Variants in PCCB observed in about 807,000 individuals in gnomAD.
PCCB encodes propionyl-CoA carboxylase subunit beta, also known as propionyl-CoA carboxylase beta chain, mitochondrial.
Under a neutral mutation model 60.7 loss-of-function variants are expected in PCCB, and 43 were observed. The observed-to-expected ratio is 0.71, with a 90% CI of 0.55 to 0.91. PCCB has a LOEUF of 0.91. Ranked by LOEUF, PCCB falls within the 40% of genes least tolerant of loss-of-function variation. PCCB has a pLI of 0.00. For synonymous variants in PCCB, 276 were observed against 255.9 expected, an observed-to-expected ratio of 1.08 and a Z score of -0.75; for missense variants, 766 against 702.8, an observed-to-expected ratio of 1.09 and a Z score of -1.02.
intron 5 of PCCB, among the ~76,000 whole-genome samples, chr3:136,267,839 A>G (rs1056837529): frequency 4.0e-5 from 6 of 150,996 alleles, no homozygotes; most frequent in South Asian, 2.1e-4. Context: ...CAGTTTATCA[A>G]GTTTTCTTTT....
At chr3:136,280,242 C>A (rs143731586) in intron 5 of PCCB, among the ~76,000 whole-genome samples, 1 of 152,214 alleles carries the variant, frequency 6.6e-6, no homozygotes, top group Non-Finnish European at 1.5e-5. Flanking sequence ...CAAATGAATG[C>A]TCTCAGCTTT....
intron 1 of PCCB, 76 bp downstream of exon 1, chr3:136,250,634 C>T: frequency 5.6e-6 from 8 of 1,422,446 alleles, no homozygotes; most frequent in Non-Finnish European, 7.6e-6. Flanking sequence ...CTTGCGGCGT[C>T]CGAGGCCTCC....
rs550461197 is a variant in PCCB, at chr3:136,287,033, A to G, written c.654+3086A>G. Among the ~76,000 whole-genome samples the G allele has an allele frequency of 9.3e-4, 132 of 142,532 alleles. 1 individual carries two copies. The highest frequency in any genetic ancestry group is 4.9e-3 in the South Asian group (22 of 4,480). The allele number at this position is 142,532 out of a possible 152,430, so 93.5% of individuals were successfully genotyped here. ...GTGGCAGAGCAAGACTCTGTCTCGGAAAAAAAAAAAAAAATAATAAAAATA... is the reference window on the plus strand; with the variant it reads ...GTGGCAGAGCAAGACTCTGTCTCGGGAAAAAAAAAAAAAATAATAAAAATA... On this transcript the variant is annotated intron_variant, in intron 6 of 14. Transcript: ENST00000251654.
In PCCB at chr3:136,327,727, G is replaced by C. The variant is rs774232001; in HGVS notation, c.1393G>C (p.Ala465Pro). The C allele has an allele frequency of 1.9e-6, 3 of 1,612,466 alleles. No homozygotes were observed. The highest frequency in any genetic ancestry group is 2.5e-6 in the Non-Finnish European group (3 of 1,178,696). Residue 465 changes from alanine to proline, a missense_variant, in exon 13 of 15, where the codon GCA becomes CCA. By Grantham distance (27) the Ala-to-Pro change is conservative. Transcript: ENST00000251654. ...CACCGCAGAGATTGCAGTCATGGGA[G>C]CAAAGGTGAGGGCCTCTTGCTTTTC... Reference protein sequence around the residue: ...WPTAEIAVMGAKGAVEIIFKG... With the variant: ...WPTAEIAVMGPKGAVEIIFKG...
At chr3:136,290,276 A>G (rs1933614365) in intron 6 of PCCB, among the ~76,000 whole-genome samples, 2 of 152,154 alleles carry the variant, frequency 1.3e-5, no homozygotes, top group South Asian at 4.1e-4. Flanking sequence ...TCACTTTTGA[A>G]GAATAATTTT....
intron 5 of PCCB, among the ~76,000 whole-genome samples, chr3:136,282,148 A>G (rs1461220634): frequency 1.3e-5 from 2 of 152,194 alleles, no homozygotes; most frequent in Admixed American, 6.5e-5. Flanking sequence ...GGCACCAACT[A>G]GCTACACTAG....
intron 8 of PCCB, among the ~76,000 whole-genome samples, chr3:136,299,072 G>T (rs1048487613): frequency 1.3e-5 from 2 of 152,070 alleles, no homozygotes; most frequent in African/African-American, 4.8e-5. Flanking sequence ...ATACAGTTTG[G>T]AGTTCCTGAA....
intron 9 of PCCB, among the ~76,000 whole-genome samples, chr3:136,306,500 A>G (rs1305350959): frequency 1.6e-5 from 2 of 122,744 alleles, no homozygotes; most frequent in African/African-American, 5.0e-5. Flanking sequence ...TGAATGAAAT[A>G]ATATAAAAAA....
chr3:136,328,686 G>C, intron 13 of PCCB, 72 bp from the exon 14 acceptor site: 1 of 1,224,258 alleles, frequency 8.2e-7, no homozygotes, highest in South Asian at 1.2e-5. Flanking sequence ...CCCACACACA[G>C]TGATAATGAG....
chr3:136,328,139 G>T (rs1324134023), intron 13 of PCCB, among the ~76,000 whole-genome samples: 1 of 152,190 alleles, frequency 6.6e-6, no homozygotes, highest in Non-Finnish European at 1.5e-5. Flanking sequence ...CTCATAAGAA[G>T]CTAAACTGTA....
chr3:136,290,343 C>A (rs1371305808), intron 6 of PCCB, among the ~76,000 whole-genome samples: 1 of 152,142 alleles, frequency 6.6e-6, no homozygotes, highest in African/African-American at 2.4e-5. Context: ...TTAAATATTT[C>A]ATTCCACTCT....
In PCCB at chr3:136,288,955, A is replaced by C. The variant is rs530159950; in HGVS notation, c.655-4801A>C. 4.6e-5 allele frequency among the ~76,000 whole-genome samples: 7 copies of C among 152,124 alleles called. No homozygotes were observed. In the East Asian group the frequency reaches 1.2e-3, roughly 25 times the overall value. On this transcript the variant is annotated intron_variant, in intron 6 of 14. Coordinates refer to ENST00000251654, the MANE Select transcript of PCCB (RefSeq NM_000532.5). ...GTAGCTGGGACTATAGGTGTGTGCC[A>C]CCATGCCTGGCCAATTTTTTTATTT...
chr3:136,279,359 T>A (rs1214086558), intron 5 of PCCB, among the ~76,000 whole-genome samples: 1 of 152,240 alleles, frequency 6.6e-6, no homozygotes, highest in African/African-American at 2.4e-5. Context: ...TTTTTATGCC[T>A]CAGTTCCTCC....
At chr3:136,327,290 C>A (rs373172273) in intron 12 of PCCB, 35 bp downstream of exon 12, 4 of 1,504,076 alleles carry the variant, frequency 2.7e-6, no homozygotes, top group South Asian at 1.1e-5. Context: ...TGACCCTGCT[C>A]ACTTTCCTAC....
intron 6 of PCCB, among the ~76,000 whole-genome samples, chr3:136,285,134 G>C (rs1576327627): frequency 6.6e-6 from 1 of 150,556 alleles, no homozygotes; most frequent in Admixed American, 6.6e-5. Flanking sequence ...TCTCTTACTT[G>C]GTGGACAATG....
Position 136,254,207 on chromosome 3 carries a change from G to A in PCCB, c.184-1649G>A, listed in dbSNP as rs1315729483. On this transcript the variant is annotated intron_variant, in intron 1 of 14. Transcript: ENST00000251654. The stretch of plus-strand genomic sequence containing the variant: ...TGAGAGCTTGGGAGCCCAAGCAATG[G>A]CGGCTTTTTTTTGTTTGTTTTTGTT... Among the ~76,000 whole-genome samples the A allele has an allele frequency of 2.0e-5, 3 of 151,564 alleles. No homozygotes were observed. In the East Asian group the frequency reaches 5.8e-4, roughly 30 times the overall value.
intron 10 of PCCB, among the ~76,000 whole-genome samples, chr3:136,319,386 A>ATTT (rs796339351): frequency 5.3e-4 from 73 of 138,276 alleles, no homozygotes; most frequent in African/African-American, 1.9e-3. Context: ...TTGATACACA[A>ATTT]TTTTTTTTTT....
intron 3 of PCCB, among the ~76,000 whole-genome samples, chr3:136,259,682 TTC>T (rs1213596544): frequency 1.3e-5 from 2 of 152,236 alleles, no homozygotes; most frequent in Non-Finnish European, 2.9e-5. Flanking sequence ...AGATATTTTA[TTC>T]TATGGAATAA....
chr3:136,260,335 C>T, intron 3 of PCCB, 144 bp from the exon 4 acceptor site: 1 of 731,410 alleles, frequency 1.4e-6, no homozygotes, highest in Non-Finnish European at 2.4e-6. Context: ...GCCTTGGCCT[C>T]CCAAAGTGTT....
Sources: gnomAD v4.1 joint callset for allele counts (sites outside exome capture counted in the v4.1 genomes callset) on GRCh38, gnomAD v4.1.1 for gene constraint, MANE v1.5 for transcripts, NCBI Gene and HGNC (gene_info 2026-07-23, HGNC 2026-07-21) for gene names.